FXYD7: variants seen among roughly 807,000 people sequenced by gnomAD.
The protein encoded by FXYD7 is FXYD domain containing ion transport regulator 7, also known as FXYD domain-containing ion transport regulator 7.
In FXYD7, 7 loss-of-function variants were observed where a neutral mutation model predicts 15.3. The observed-to-expected ratio is 0.46, with a 90% CI of 0.26 to 0.86. FXYD7 has a LOEUF of 0.86. Ranked by LOEUF, FXYD7 falls within the 40% of genes least tolerant of loss-of-function variation. The pLI is 0.16. For missense variants in FXYD7, 78 were observed against 100.6 expected (o/e 0.78, Z 0.96); for synonymous variants, 39 against 39.3 (o/e 0.99, Z 0.03).
chr19:35,147,077 C>A lies in FXYD7; in HGVS notation c.32-1617C>A, dbSNP rs143479038. The stretch of plus-strand genomic sequence containing the variant: ...ACGTCCATCACAGGTTGACCAGTCA[C>A]CAAAGAAAACTAGAGCAGTCACCAC... On this transcript the variant is annotated intron_variant, in intron 1 of 5. Coordinates refer to ENST00000270310, the MANE Select transcript of FXYD7 (RefSeq NM_022006.2). Among the ~76,000 whole-genome samples, 1,078 of 152,326 alleles carry A rather than the reference C, an allele frequency of 7.1e-3. 4 individuals carry two copies. The highest frequency in any genetic ancestry group is 0.012 in the Non-Finnish European group (799 of 68,032).
At chr19:35,148,433 C>T (rs2065298227) in intron 1 of FXYD7, among the ~76,000 whole-genome samples, 1 of 152,132 alleles carries the variant, frequency 6.6e-6, no homozygotes, top group Admixed American at 6.5e-5. Flanking sequence ...CCAGGACTGC[C>T]ATGTAGTTTG....
chr19:35,143,295 G>C lies in FXYD7; in HGVS notation c.-39G>C. ...CTTCCAGCTGCTGCAGCGCGCCTTC[G>C]CCGCCAAAGCATCCAGCAGCCCCCT... On this transcript the variant is annotated 5_prime_UTR_variant, in exon 1 of 6. Transcript: ENST00000270310. The surrounding 1 kb of genome is among the most constrained non-coding windows in gnomAD (Gnocchi z 4.3). The C allele has an allele frequency of 6.5e-7, 1 of 1,530,590 alleles. No homozygotes were observed. The highest frequency in any genetic ancestry group is 1.4e-5 in the African/African-American group (1 of 71,080). 94.8% of individuals were successfully genotyped at this position (1,530,590 alleles called of 1,614,324 possible). A position where few individuals can be genotyped will look rare whatever the true frequency, so the allele number is the denominator to read the frequency against.
intron 1 of FXYD7, among the ~76,000 whole-genome samples, chr19:35,146,866 C>A (rs573035856): frequency 2.0e-5 from 3 of 152,298 alleles, no homozygotes; most frequent in Admixed American, 2.0e-4. Context: ...GGTAAACTTA[C>A]ACATTGTGTG....
In FXYD7 at chr19:35,148,711, C is replaced by G. The variant is rs200563387; in HGVS notation, c.49C>G (p.Pro17Ala). ...TPTKAPEEPD[P>A]FYYDYNTVQT... Reference sequence around the variant, plus strand: ...TCCCTCAGCTCCTGAGGAACCTGACCCATTTTACTATGGTGAGTGTTGGAT... The same window carrying G: ...TCCCTCAGCTCCTGAGGAACCTGACGCATTTTACTATGGTGAGTGTTGGAT... Residue 17 changes from proline (P) to alanine (A), a missense_variant, in exon 2 of 6, where the codon CCA becomes GCA. Physicochemically the swap from Pro to Ala is conservative, Grantham distance 27 (BLOSUM62 -1). Coordinates refer to ENST00000270310, the MANE Select transcript of FXYD7 (RefSeq NM_022006.2). 6.1e-5 allele frequency: 97 copies of G among 1,587,384 alleles called. No homozygotes were observed. Among genetic ancestry groups the G allele is most frequent in the Non-Finnish European group, 7.7e-5 (89 of 1,161,544 alleles).
intron 4 of FXYD7, 70 bp downstream of exon 4, chr19:35,151,552 C>T: frequency 6.4e-7 from 1 of 1,573,256 alleles, no homozygotes; most frequent in Non-Finnish European, 8.8e-7. Flanking sequence ...GCAGGATCCA[C>T]TGGGCCTGCC....
intron 5 of FXYD7, among the ~76,000 whole-genome samples, chr19:35,153,280 A>G (rs2065322732): frequency 2.0e-5 from 3 of 151,998 alleles, no homozygotes; most frequent in Admixed American, 1.3e-4. Flanking sequence ...GGCTGGTCTC[A>G]AACTCCTGAC....
intron 1 of FXYD7, among the ~76,000 whole-genome samples, chr19:35,144,189 T>C (rs2065280136): frequency 6.6e-6 from 1 of 151,418 alleles, no homozygotes; most frequent in South Asian, 2.1e-4. Flanking sequence ...CCATGTGGGG[T>C]GGGGCCCAAA....
intron 1 of FXYD7, among the ~76,000 whole-genome samples, chr19:35,144,718 A>C (rs1170302319): frequency 6.6e-6 from 1 of 151,848 alleles, no homozygotes; most frequent in Non-Finnish European, 1.5e-5. Flanking sequence ...GCCTGGCGGG[A>C]GCCCAGGGCT....
In FXYD7 at chr19:35,144,912, A is replaced by C. The variant is rs373368089; in HGVS notation, c.31+1548A>C. The stretch of plus-strand genomic sequence containing the variant: ...GTTGTGCATTGCAAGCTGCTTAAGG[A>C]AACTAATTAATGAATTGTTGGGGAG... On this transcript the variant is annotated intron_variant, in intron 1 of 5. Transcript: ENST00000270310. Among the ~76,000 whole-genome samples the C allele has an allele frequency of 5.3e-5, 8 of 152,208 alleles. No homozygotes were observed. In the East Asian group the frequency reaches 1.5e-3, roughly 29 times the overall value.
intron 1 of FXYD7, among the ~76,000 whole-genome samples, chr19:35,147,654 A>C (rs1268276861): frequency 6.6e-6 from 1 of 152,304 alleles, no homozygotes; most frequent in South Asian, 2.1e-4. Context: ...AGGGAAAACT[A>C]TTACAAACTC....
At chr19:35,153,194 G>T (rs561071451) in intron 5 of FXYD7, among the ~76,000 whole-genome samples, 1 of 151,526 alleles carries the variant, frequency 6.6e-6, no homozygotes, top group African/African-American at 2.4e-5. Flanking sequence ...CAAATAGCTG[G>T]GACTACAGGC....
intron 5 of FXYD7, among the ~76,000 whole-genome samples, chr19:35,153,033 C>CTTTGTTTTGTTTTTTTTTTTTTTTTTTT (rs1555737607): frequency 4.5e-5 from 2 of 44,142 alleles, no homozygotes; most frequent in African/African-American, 1.0e-4. Context: ...TTTCACGTTC[C>CTTTGTTTTGTTTTTTTTTTTTTTTTTTT]TTTTTTTTTT....
intron 4 of FXYD7, 58 bp from the exon 5 acceptor site, chr19:35,151,575 C>G: frequency 6.3e-7 from 1 of 1,596,240 alleles, no homozygotes; most frequent in African/African-American, 1.3e-5. Context: ...GCGTTTTCCC[C>G]AAAGCCTATG....
At chr19:35,149,076 G>C in intron 2 of FXYD7, 1 of 490,288 alleles carries the variant, frequency 2.0e-6, no homozygotes, top group Non-Finnish European at 4.0e-6. Context: ...GTATGGCCTT[G>C]GGCAAGCAAC....
Position 35,151,477 on chromosome 19 carries a change from T to C in FXYD7, c.174T>C (p.Ser58=), listed in dbSNP as rs141725524. The part of the protein sequence containing the change: ...KVKCRKADSR[S]ESPTCKSCKS... ...AGTGCAGGAAGGCGGACTCCAGGTCTGAGAGGTCTGGCAGCAGTGGGCAAA... is the reference window on the plus strand; with the variant it reads ...AGTGCAGGAAGGCGGACTCCAGGTCCGAGAGGTCTGGCAGCAGTGGGCAAA... The change falls in exon 4 of 6, where the codon TCT becomes TCC. Residue 58 remains serine, a synonymous_variant. Transcript: ENST00000270310. The C allele has an allele frequency of 1.1e-3, 1,751 of 1,614,142 alleles. 1 individual carries two copies. Among genetic ancestry groups the C allele is most frequent in the Admixed American group, 2.1e-3 (125 of 60,020 alleles).
Position 35,153,942 on chromosome 19 carries a change from CGA to C in FXYD7, c.*27_*28del. ...CACCTTCCCGAGGAAACTCCGCTGCCGACCCTGCCTGAGCGCGGGAGCCTGAG... is the reference window on the plus strand; with the variant it reads ...CACCTTCCCGAGGAAACTCCGCTGCCCCCTGCCTGAGCGCGGGAGCCTGAG... On this transcript the variant is annotated 3_prime_UTR_variant, in exon 6 of 6. Coordinates refer to ENST00000270310, the MANE Select transcript of FXYD7 (RefSeq NM_022006.2). 2 of 1,609,254 alleles carry C rather than the reference CGA, an allele frequency of 1.2e-6. No individual in the cohort carries two copies. The highest frequency in any genetic ancestry group is 1.7e-6 in the Non-Finnish European group (2 of 1,177,312).
At position 35,153,887 on chromosome 19, in the gene FXYD7, T is replaced by C. The variant is rs772350115; in HGVS notation, c.221-7T>C. ...TCTAGTGGCTCACGCACCCCCTCTC[T>C]CCCCAGCCCCTGGTGGCGGCGGCGT... On this transcript the variant is annotated splice_polypyrimidine_tract_variant and splice_region_variant and intron_variant, in intron 5 of 5. Transcript: ENST00000270310. The C allele has an allele frequency of 1.2e-6, 2 of 1,612,674 alleles. No homozygotes were observed. The highest frequency in any genetic ancestry group is 1.7e-6 in the Non-Finnish European group (2 of 1,179,130).
chr19:35,145,365 AGAG>A (rs2065285785), intron 1 of FXYD7, among the ~76,000 whole-genome samples: 1 of 152,242 alleles, frequency 6.6e-6, no homozygotes, highest in Non-Finnish European at 1.5e-5. Flanking sequence ...AGCAGGGACC[AGAG>A]GAGGATCTTC....
At position 35,153,033 on chromosome 19, in the gene FXYD7, CTTTTT is replaced by C. The variant is rs954084904; in HGVS notation, c.221-836_221-832del. ...TTGGTGTGGAATTTGTTTCACGTTC[CTTTTT>C]TTTTTTTTTTTTTTTTTTTTTTTTG... On this transcript the variant is annotated intron_variant, in intron 5 of 5. Transcript: ENST00000270310. Among the ~76,000 whole-genome samples the C allele has an allele frequency of 5.5e-3, 242 of 44,058 alleles. 4 individuals carry two copies. The highest frequency in any genetic ancestry group is 0.024 in the Middle Eastern group (1 of 42). The allele number at this position is 44,058 out of a possible 152,430, so 28.9% of individuals were successfully genotyped here. A position where few individuals can be genotyped will look rare whatever the true frequency, so the allele number is the denominator to read the frequency against.
Sources: gnomAD v4.1 joint callset for allele counts (sites outside exome capture counted in the v4.1 genomes callset) on GRCh38, gnomAD v4.1.1 for gene constraint, Gnocchi (gnomAD v3.1) non-coding constraint, MANE v1.5 for transcripts, NCBI Gene and HGNC (gene_info 2026-07-23, HGNC 2026-07-21) for gene names.